LGALS1: variants seen among roughly 807,000 people sequenced by gnomAD.
LGALS1 encodes galectin-1.
Under a neutral mutation model 14.4 loss-of-function variants are expected in LGALS1, and 14 were observed. The ratio of observed to expected loss-of-function variants is 0.97; its 90% CI spans 0.64 to 1.52. The LOEUF (loss-of-function observed/expected upper bound fraction) is 1.52. Among genes scored for constraint, LGALS1 ranks in the 40% most tolerant of loss-of-function variants. LGALS1 has a pLI of 0.00. For synonymous variants in LGALS1, 71 were observed against 73.4 expected (o/e 0.97, Z 0.17); for missense variants, 170 against 181.4 (o/e 0.94, Z 0.36).
Position 37,677,049 on chromosome 22 carries a change from G to C in LGALS1, c.73G>C (p.Ala25Pro). The change falls in exon 2 of 4, where the codon GCT becomes CCT. Residue 25 changes from alanine to proline, a missense_variant. Coordinates refer to ENST00000215909, the MANE Select transcript of LGALS1 (RefSeq NM_002305.4). ...GTGCCTTCGAGTGCGAGGCGAGGTGGCTCCTGACGCTAAGAGGTGAGAAGT... is the reference window on the plus strand; with the variant it reads ...GTGCCTTCGAGTGCGAGGCGAGGTGCCTCCTGACGCTAAGAGGTGAGAAGT... ...GECLRVRGEV[A>P]PDAKSFVLNL... is the part of the protein sequence containing the mutation. 2 of 1,613,998 alleles carry C rather than the reference G, an allele frequency of 1.2e-6. No individual in the cohort carries two copies. Among genetic ancestry groups the C allele is most frequent in the Non-Finnish European group, 1.7e-6 (2 of 1,179,950 alleles).
intron 3 of LGALS1, 143 bp downstream of exon 3, chr22:37,678,797 C>T: frequency 1.3e-6 from 1 of 793,438 alleles, no homozygotes; most frequent in Non-Finnish European, 1.9e-6. Flanking sequence ...AGTGTCTGCC[C>T]CTCTTTGAAC....
In LGALS1 at chr22:37,677,034, G is replaced by C. The variant is rs1921453292; in HGVS notation, c.58G>C (p.Val20Leu). The C allele has an allele frequency of 6.2e-7, 1 of 1,614,008 alleles. No homozygotes were observed. The highest frequency in any genetic ancestry group is 1.3e-5 in the African/African-American group (1 of 74,938). ...TCTCAAACCTGGAGAGTGCCTTCGA[G>C]TGCGAGGCGAGGTGGCTCCTGACGC... The part of the protein sequence containing the change: ...LNLKPGECLR[V>L]RGEVAPDAKS... Residue 20 changes from valine to leucine, a missense_variant, in exon 2 of 4, where the codon GTG (valine) becomes CTG (leucine). Transcript: ENST00000215909.
chr22:37,677,170 A>ACGGCCAGCCGCCGATGCTG, intron 2 of LGALS1, 105 bp downstream of exon 2: 1 of 1,124,784 alleles, frequency 8.9e-7, no homozygotes, highest in Non-Finnish European at 1.3e-6. Context: ...GAGCGGGTTA[A>ACGGCCAGCCGCCGATGCTG]CGGCCAGCCG....
rs1206418322 is a variant in LGALS1 at position 37,678,816 on chromosome 22, T to C, written c.261+162T>C. 2.0e-5 allele frequency among the ~76,000 whole-genome samples: 3 copies of C among 152,032 alleles called. No individual in the cohort carries two copies. The East Asian group carries it at 5.8e-4, about 29-fold the overall frequency. Reference sequence around the variant, plus strand: ...TCTGCCCCTCTTTGAACCTCAGTGGTTGATTACAATAAAACGAAGGGGAAA... The same window carrying C: ...TCTGCCCCTCTTTGAACCTCAGTGGCTGATTACAATAAAACGAAGGGGAAA... On this transcript the variant is annotated intron_variant, in intron 3 of 3. Coordinates refer to ENST00000215909, the MANE Select transcript of LGALS1 (RefSeq NM_002305.4).
intron 1 of LGALS1, among the ~76,000 whole-genome samples, chr22:37,676,539 AAGG>A (rs1204214393): frequency 6.6e-6 from 1 of 152,016 alleles, no homozygotes; most frequent in African/African-American, 2.4e-5. Flanking sequence ...GAGGGGCTTG[AAGG>A]AGAATAGTGG....
At position 37,679,564 on chromosome 22, in the gene LGALS1, G is replaced by A. The variant is rs753172156; in HGVS notation, c.262-39G>A. On this transcript the variant is annotated intron_variant, in intron 3 of 3. Coordinates refer to ENST00000215909, the MANE Select transcript of LGALS1 (RefSeq NM_002305.4). ...AGGAACGGGTTCTGGAAGGGCCCATGGCATGTGGGCCCGGCTCACTGCTCT... is the reference window on the plus strand; with the variant it reads ...AGGAACGGGTTCTGGAAGGGCCCATAGCATGTGGGCCCGGCTCACTGCTCT... The A allele has an allele frequency of 3.3e-6, 5 of 1,537,354 alleles. No individual in the cohort carries two copies. The Admixed American group carries it at 5.8e-5, about 18-fold the overall frequency.
intron 1 of LGALS1, 31 bp downstream of exon 1, chr22:37,675,742 G>A: frequency 5.9e-6 from 9 of 1,531,394 alleles, no homozygotes; most frequent in Non-Finnish European, 7.9e-6. Context: ...CCAAGGTCCA[G>A]GGGATAGGGC....
rs750642339 is a variant in LGALS1, at chr22:37,679,651, G to C, written c.310G>C (p.Gly104Arg). 2 of 1,610,394 alleles carry C rather than the reference G, an allele frequency of 1.2e-6. No individual in the cohort carries two copies. The highest frequency in any genetic ancestry group is 4.5e-5 in the East Asian group (2 of 44,576). ...CAACCTGACCGTCAAGCTGCCAGAT[G>C]GATACGAATTCAAGTTCCCCAACCG... ...QANLTVKLPDGYEFKFPNRLN... is the reference protein window; with the variant it reads ...QANLTVKLPDRYEFKFPNRLN... The change falls in exon 4 of 4, where the codon GGA becomes CGA. Residue 104 changes from glycine (G) to arginine (R), a missense_variant. Transcript: ENST00000215909.
chr22:37,675,842 G>A, intron 1 of LGALS1, 131 bp downstream of exon 1: 1 of 734,158 alleles, frequency 1.4e-6, no homozygotes. Context: ...TCTCTTTTCT[G>A]GACCTCAGTG....
At chr22:37,677,171 C>T in intron 2 of LGALS1, 106 bp downstream of exon 2, 2 of 1,116,580 alleles carry the variant, frequency 1.8e-6, no homozygotes, top group Non-Finnish European at 2.6e-6. Flanking sequence ...AGCGGGTTAA[C>T]GGCCAGCCGC....
rs948692950 is a variant in LGALS1 at position 37,675,802 on chromosome 22, C to T, written c.9+91C>T. On this transcript the variant is annotated intron_variant, in intron 1 of 3. Transcript: ENST00000215909. ...TGGGCAGATCGGGAGCAGATTCTAG[C>T]CCCAGCTGTGTGGCCTGGAACCAGT... is the stretch of plus-strand genomic sequence containing the variant. The T allele has an allele frequency of 4.9e-6, 6 of 1,223,132 alleles. No individual in the cohort carries two copies. The South Asian group carries it at 8.8e-5, about 18-fold the overall frequency. The allele number at this position is 1,223,132 out of a possible 1,614,324, so 75.8% of individuals were successfully genotyped here.
At chr22:37,677,140 C>T (rs1921458777) in intron 2 of LGALS1, 75 bp downstream of exon 2, 1 of 1,404,088 alleles carries the variant, frequency 7.1e-7, no homozygotes, top group Non-Finnish European at 9.9e-7. Context: ...CGGCCAAGCC[C>T]ACATCTCCTC....
intron 3 of LGALS1, 80 bp from the exon 4 acceptor site, chr22:37,679,521 CTG>C: frequency 7.9e-7 from 1 of 1,263,786 alleles, no homozygotes; most frequent in East Asian, 2.8e-5. Context: ...CAAACTGGGG[CTG>C]TGTCAGGGCC....
chr22:37,677,507 T>C, intron 2 of LGALS1: 1 of 184,376 alleles, frequency 5.4e-6, no homozygotes, highest in Non-Finnish European at 1.2e-5. Flanking sequence ...GACGGCTGCC[T>C]TATTTTCTCG....
Position 37,677,247 on chromosome 22 carries a change from C to T in LGALS1, c.89+182C>T, listed in dbSNP as rs1921464740. Reference sequence around the variant, plus strand: ...TCTGGGCGCCCCCACCGTTGCCGCCCCCTCCCCCGCTCCCTCCCTGCTGTA... The same window carrying T: ...TCTGGGCGCCCCCACCGTTGCCGCCTCCTCCCCCGCTCCCTCCCTGCTGTA... On this transcript the variant is annotated intron_variant, in intron 2 of 3. Transcript: ENST00000215909. 8.1e-6 allele frequency: 5 copies of T among 614,040 alleles called. No individual in the cohort carries two copies. The Admixed American group carries it at 1.1e-4, about 14-fold the overall frequency. The allele number at this position is 614,040 out of a possible 1,614,324, so 38.0% of individuals were successfully genotyped here.
At chr22:37,676,766 G>A (rs914630969) in intron 1 of LGALS1, 67 of 629,174 alleles carry the variant, frequency 1.1e-4, no homozygotes, top group African/African-American at 1.1e-3. Context: ...TCACGTTACA[G>A]ACTGAAGCCA....
At chr22:37,678,201 T>G (rs1921504437) in intron 2 of LGALS1, among the ~76,000 whole-genome samples, 1 of 151,872 alleles carries the variant, frequency 6.6e-6, no homozygotes, top group South Asian at 2.1e-4. Context: ...GGACGGGAGG[T>G]CACCATCTGG....
chr22:37,677,364 C>CTGGGGAGGGCGGGGAGAGGAG (rs1311410994), intron 2 of LGALS1: 2 of 386,568 alleles, frequency 5.2e-6, no homozygotes, highest in East Asian at 1.1e-4. Flanking sequence ...GGACCTGTCG[C>CTGGGGAGGGCGGGGAGAGGAG]TGGGGAGGGC....
At chr22:37,679,327 A>T (rs1385106809) in intron 3 of LGALS1, among the ~76,000 whole-genome samples, 1 of 150,732 alleles carries the variant, frequency 6.6e-6, no homozygotes, top group African/African-American at 2.4e-5. Flanking sequence ...GCTACTCAGG[A>T]GGCTGAGACA....
Sources: gnomAD v4.1 joint callset for allele counts (sites outside exome capture counted in the v4.1 genomes callset) on GRCh38, gnomAD v4.1.1 for gene constraint, MANE v1.5 for transcripts, NCBI Gene and HGNC (gene_info 2026-07-23, HGNC 2026-07-21) for gene names.